Variants in DPP6 observed in about 807,000 individuals in gnomAD.
The protein encoded by DPP6 is A-type potassium channel modulatory protein DPP6.
DPP6 carries 69 observed loss-of-function variants against 122.6 expected under a neutral mutation model. That is an observed-to-expected ratio of 0.56 (90% confidence interval 0.46 to 0.69). The LOEUF is 0.69. Ranked by LOEUF, DPP6 falls within the 30% of genes least tolerant of loss-of-function variation. DPP6 has a pLI of 0.00. For synonymous variants in DPP6, 418 were observed against 433.1 expected, an observed-to-expected ratio of 0.97 and a Z score of 0.43; for missense variants, 928 against 1,116.9, an observed-to-expected ratio of 0.83 and a Z score of 2.41.
At chr7:153,837,132 A>C in the DPP6 span, among the ~76,000 whole-genome samples, 1 of 152,316 alleles carries the variant, frequency 6.6e-6, no homozygotes, top group South Asian at 2.1e-4. Flanking sequence ...TCACTTCTAA[A>C]CCATGGGGGG....
the DPP6 span, among the ~76,000 whole-genome samples, chr7:153,826,805 T>C: frequency 6.6e-6 from 1 of 152,172 alleles, no homozygotes; most frequent in African/African-American, 2.4e-5. Flanking sequence ...AATTTAGCTC[T>C]CTGCTGATCT....
the DPP6 span, among the ~76,000 whole-genome samples, chr7:153,838,203 T>C: frequency 6.6e-6 from 1 of 152,052 alleles, no homozygotes; most frequent in African/African-American, 2.4e-5. Context: ...ATCCCATGCA[T>C]AAGGGTTCCA....
intron 1 of DPP6, among the ~76,000 whole-genome samples, chr7:154,123,013 C>T (rs1300269733): frequency 1.3e-5 from 2 of 152,012 alleles, no homozygotes; most frequent in African/African-American, 4.8e-5. Context: ...GATCCTCGGG[C>T]ACTGTTTTTC....
At chr7:154,640,442 C>A (rs1028082002) in intron 6 of DPP6, among the ~76,000 whole-genome samples, 1 of 147,078 alleles carries the variant, frequency 6.8e-6, no homozygotes, top group Non-Finnish European at 1.5e-5. Context: ...AGTGTCCCAC[C>A]CTGTCACCAT....
chr7:154,455,090 C>T (rs147740335), intron 2 of DPP6, among the ~76,000 whole-genome samples: 70 of 152,268 alleles, frequency 4.6e-4, no homozygotes, highest in Non-Finnish European at 8.4e-4. Context: ...ATCAGTATGT[C>T]GACAACATGG....
chr7:154,866,415 C>T (rs1039058545), intron 17 of DPP6, among the ~76,000 whole-genome samples: 3 of 152,232 alleles, frequency 2.0e-5, no homozygotes, highest in African/African-American at 7.2e-5. Context: ...GGCGCAGGGG[C>T]ATGCAGGCCC....
At chr7:154,499,950 C>A (rs1208721092) in intron 3 of DPP6, among the ~76,000 whole-genome samples, 1 of 152,196 alleles carries the variant, frequency 6.6e-6, no homozygotes, top group Non-Finnish European at 1.5e-5. Flanking sequence ...CATGGGGTGA[C>A]ATCCAGAGGA....
At chr7:153,753,913 A>T in the DPP6 span, among the ~76,000 whole-genome samples, 2 of 152,182 alleles carry the variant, frequency 1.3e-5, no homozygotes, top group South Asian at 2.1e-4. Flanking sequence ...GGAACATCGT[A>T]TTCTACCAAT....
chr7:153,847,132 A>C, the DPP6 span, among the ~76,000 whole-genome samples: 1 of 152,234 alleles, frequency 6.6e-6, no homozygotes, highest in African/African-American at 2.4e-5. Context: ...AAATTCAGAT[A>C]GTTTCTAATG....
At chr7:154,775,016 C>T (rs139981151) in intron 10 of DPP6, among the ~76,000 whole-genome samples, 4 of 152,260 alleles carry the variant, frequency 2.6e-5, no homozygotes, top group Admixed American at 6.5e-5. Flanking sequence ...TCCTGTGTGC[C>T]GTAGAGCACT....
chr7:154,094,216 T>TC (rs1306478166), intron 1 of DPP6: 1 of 152,136 alleles, frequency 6.6e-6, no homozygotes, highest in Non-Finnish European at 1.5e-5. Flanking sequence ...ATGCACAGTT[T>TC]CCCGGGATGC....
chr7:154,252,213 C>CATGTGTGT lies in DPP6; in HGVS notation c.244-194001_244-194000insATGTGTGT, dbSNP rs1554501571. Among the ~76,000 whole-genome samples the CATGTGTGT allele has an allele frequency of 1.1e-3, 160 of 150,574 alleles. 1 individual carries two copies. The highest frequency in any genetic ancestry group is 3.7e-3 in the African/African-American group (152 of 41,154). ...TGAAAATCATGGCCTCACAATGTCA[C>CATGTGTGT]GTGTGTGTGTGTGTGTGTGTGTGCG... On this transcript the variant is annotated intron_variant, in intron 1 of 25. Transcript: ENST00000377770.
intron 6 of DPP6, among the ~76,000 whole-genome samples, chr7:154,656,906 G>A (rs796976873): frequency 0.41 from 10,610 of 26,068 alleles, 3,717 homozygotes; most frequent in Non-Finnish European, 0.65. Flanking sequence ...GTGCTCATGG[G>A]TGGGTGGAGA....
chr7:153,982,421 G>A (rs1796633595), intron 1 of DPP6, among the ~76,000 whole-genome samples: 1 of 151,738 alleles, frequency 6.6e-6, no homozygotes, highest in Non-Finnish European at 1.5e-5. Flanking sequence ...TCTCTAAACT[G>A]GTTATTCTAG....
intron 1 of DPP6, among the ~76,000 whole-genome samples, chr7:154,192,427 G>A (rs1466544033): frequency 1.3e-5 from 2 of 152,198 alleles, no homozygotes; most frequent in African/African-American, 4.8e-5. Flanking sequence ...CTGCCTCTTG[G>A]TTCCAGGTAT....
At chr7:153,970,390 A>C (rs546931063) in intron 1 of DPP6, among the ~76,000 whole-genome samples, 1 of 152,300 alleles carries the variant, frequency 6.6e-6, no homozygotes, top group South Asian at 2.1e-4. Flanking sequence ...CTAAATATAT[A>C]CTGTCAAATA....
chr7:154,628,791 C>T (rs1835237626), intron 5 of DPP6, among the ~76,000 whole-genome samples: 1 of 152,164 alleles, frequency 6.6e-6, no homozygotes, highest in African/African-American at 2.4e-5. Flanking sequence ...GCAGCTGCTA[C>T]ATCGTGCAGG....
At chr7:153,837,952 G>A in the DPP6 span, among the ~76,000 whole-genome samples, 1 of 150,660 alleles carries the variant, frequency 6.6e-6, no homozygotes, top group Admixed American at 6.6e-5. Flanking sequence ...GGGATTACAG[G>A]TGTGAGCCAC....
At chr7:154,509,514 C>T (rs79113029) in intron 3 of DPP6, among the ~76,000 whole-genome samples, 15,623 of 152,190 alleles carry the variant, frequency 0.1, 841 homozygotes, top group Middle Eastern at 0.14. Context: ...AGAACCTTCA[C>T]GTCCTGCTGG....
Sources: allele counts gnomAD v4.1 joint callset (sites outside exome capture counted in the v4.1 genomes callset), GRCh38; gene constraint gnomAD v4.1.1; transcripts MANE v1.5; gene names NCBI Gene and HGNC (gene_info 2026-07-23, HGNC 2026-07-21).